Variants in GABRG3 observed in about 807,000 individuals in gnomAD.
GABRG3 encodes the protein gamma-aminobutyric acid receptor subunit gamma-3.
In GABRG3, 25 loss-of-function variants were observed where a neutral mutation model predicts 48.8. The ratio of observed to expected loss-of-function variants is 0.51; its 90% CI spans 0.37 to 0.72. GABRG3 has a LOEUF of 0.72. Among genes scored for constraint, GABRG3 ranks in the 30% least tolerant of loss-of-function variants. GABRG3 has a pLI of 0.00. For missense variants in GABRG3, 394 were observed against 577.9 expected, an observed-to-expected ratio of 0.68 and a Z score of 3.26; for synonymous variants, 227 against 217.6, an observed-to-expected ratio of 1.04 and a Z score of -0.38.
chr15:27,481,651 G>A (rs186412273), intron 6 of GABRG3, among the ~76,000 whole-genome samples: 1 of 152,210 alleles, frequency 6.6e-6, no homozygotes, highest in East Asian at 1.9e-4. Context: ...GAGAGCTATT[G>A]ACACATCAAG....
At chr15:27,395,823 A>C (rs1331276121) in intron 5 of GABRG3, among the ~76,000 whole-genome samples, 4 of 152,224 alleles carry the variant, frequency 2.6e-5, no homozygotes, top group African/African-American at 9.6e-5. Context: ...TAGATACTGC[A>C]CCAAAAACAT....
At position 27,537,099 on chromosome 15, in the gene GABRG3, T is replaced by C. The variant is rs915331007; in HGVS notation, c.*4218T>C. 7.4e-6 allele frequency: 1 copy of C among 135,886 alleles called. No homozygotes were observed. Among genetic ancestry groups the C allele is most frequent in the African/African-American group, 2.7e-5 (1 of 36,662 alleles). 8.4% of individuals were successfully genotyped at this position (135,886 alleles called of 1,614,324 possible). On this transcript the variant is annotated 3_prime_UTR_variant, in exon 10 of 10. Coordinates refer to ENST00000615808, the MANE Select transcript of GABRG3 (RefSeq NM_033223.5). Reference sequence around the variant, plus strand: ...CCTGAGCGATTTTAAACTCTACCCGTAAGAAATTTCATCTGCAATTTCTGT... The same window carrying C: ...CCTGAGCGATTTTAAACTCTACCCGCAAGAAATTTCATCTGCAATTTCTGT...
chr15:27,468,818 AAAG>A (rs1889694546), intron 5 of GABRG3, among the ~76,000 whole-genome samples: 1 of 152,220 alleles, frequency 6.6e-6, no homozygotes, highest in African/African-American at 2.4e-5. Context: ...CTTAATAAGA[AAAG>A]AAAAAAAATC....
intron 3 of GABRG3, among the ~76,000 whole-genome samples, chr15:27,233,401 G>A (rs1003339856): frequency 6.6e-6 from 1 of 152,254 alleles, no homozygotes; most frequent in Admixed American, 6.5e-5. Flanking sequence ...TAGAGTGGGG[G>A]CTTGCAAGCA....
chr15:27,090,258 C>A (rs974290028), intron 3 of GABRG3, among the ~76,000 whole-genome samples: 1 of 152,158 alleles, frequency 6.6e-6, no homozygotes, highest in African/African-American at 2.4e-5. Flanking sequence ...TAATAAAGAG[C>A]TCTGAGCATG....
chr15:27,067,357 C>G (rs1896755523), intron 3 of GABRG3, among the ~76,000 whole-genome samples: 1 of 152,236 alleles, frequency 6.6e-6, no homozygotes, highest in Non-Finnish European at 1.5e-5. Flanking sequence ...CCCCATCCAC[C>G]CGCACCCTTC....
intron 2 of GABRG3, among the ~76,000 whole-genome samples, chr15:27,003,963 G>A (rs1895518435): frequency 2.7e-5 from 4 of 149,262 alleles, no homozygotes; most frequent in Admixed American, 6.6e-5. Flanking sequence ...TGGACGGGGC[G>A]GCTGGCCGGG....
At chr15:27,058,481 G>C (rs1036282339) in intron 3 of GABRG3, among the ~76,000 whole-genome samples, 1 of 152,206 alleles carries the variant, frequency 6.6e-6, no homozygotes, top group African/African-American at 2.4e-5. Context: ...TTGGAAGCCT[G>C]TTGAACAGGA....
chr15:27,182,937 G>A (rs1667151903), intron 3 of GABRG3, among the ~76,000 whole-genome samples: 1 of 152,210 alleles, frequency 6.6e-6, no homozygotes, highest in Non-Finnish European at 1.5e-5. Context: ...GTCTGAGGGT[G>A]AGATCAAGCC....
chr15:27,487,381 G>A (rs575673266), intron 6 of GABRG3, among the ~76,000 whole-genome samples: 11 of 152,060 alleles, frequency 7.2e-5, no homozygotes, highest in Admixed American at 2.0e-4. Context: ...TTTGGCTCTC[G>A]CTCTATACTT....
In GABRG3 at chr15:27,025,167, C is replaced by T. The variant is rs186509201; in HGVS notation, c.203-1587C>T. ...GCACTGTTGCACTTATTACATTTGCCGCTGCTCACTGCAAGCTGTTAAGGC... is the reference window on the plus strand; with the variant it reads ...GCACTGTTGCACTTATTACATTTGCTGCTGCTCACTGCAAGCTGTTAAGGC... On this transcript the variant is annotated intron_variant, in intron 2 of 9. Transcript: ENST00000615808. Among the ~76,000 whole-genome samples the T allele has an allele frequency of 7.9e-5, 12 of 152,144 alleles. No homozygotes were observed. In the East Asian group the frequency reaches 1.9e-3, roughly 25 times the overall value.
intron 5 of GABRG3, among the ~76,000 whole-genome samples, chr15:27,378,278 A>T (rs1248940505): frequency 2.6e-5 from 4 of 151,986 alleles, no homozygotes; most frequent in Non-Finnish European, 5.9e-5. Context: ...AAAACCCACA[A>T]ATTTTCTCTC....
intron 5 of GABRG3, among the ~76,000 whole-genome samples, chr15:27,477,102 C>T (rs1889962959): frequency 6.6e-6 from 1 of 152,106 alleles, no homozygotes; most frequent in Non-Finnish European, 1.5e-5. Context: ...AATCAAAAGA[C>T]AAGTCACATC....
At chr15:26,978,429 T>C (rs1450824451) in intron 2 of GABRG3, among the ~76,000 whole-genome samples, 4 of 152,202 alleles carry the variant, frequency 2.6e-5, no homozygotes, top group Non-Finnish European at 2.9e-5. Context: ...TTTTCTCCTT[T>C]GTGTTCTTCT....
chr15:27,223,754 C>T (rs1167671661), intron 3 of GABRG3, among the ~76,000 whole-genome samples: 1 of 152,112 alleles, frequency 6.6e-6, no homozygotes, highest in African/African-American at 2.4e-5. Flanking sequence ...CTCTTGCCTC[C>T]CCTGCTGGGC....
chr15:27,458,452 T>C (rs979056613), intron 5 of GABRG3, among the ~76,000 whole-genome samples: 4 of 152,206 alleles, frequency 2.6e-5, no homozygotes, highest in Admixed American at 2.6e-4. Context: ...CCTTGGTTAC[T>C]GGGAATGTAA....
chr15:27,125,003 A>C (rs997921258), intron 3 of GABRG3, among the ~76,000 whole-genome samples: 5 of 152,140 alleles, frequency 3.3e-5, no homozygotes, highest in Non-Finnish European at 5.9e-5. Flanking sequence ...GCTGTGTGGG[A>C]TTATTTCTCC....
chr15:27,338,432 G>A (rs1004632330), intron 5 of GABRG3, among the ~76,000 whole-genome samples: 3 of 152,120 alleles, frequency 2.0e-5, no homozygotes, highest in Non-Finnish European at 2.9e-5. Flanking sequence ...AATGGAAACC[G>A]ATTTAAGATG....
At chr15:26,977,678 G>T (rs1397683658) in intron 2 of GABRG3, among the ~76,000 whole-genome samples, 1 of 152,162 alleles carries the variant, frequency 6.6e-6, no homozygotes, top group Non-Finnish European at 1.5e-5. Context: ...CTGCTGAATG[G>T]TTGTTCATGG....
Sources: gnomAD v4.1 joint callset for allele counts (sites outside exome capture counted in the v4.1 genomes callset) on GRCh38, gnomAD v4.1.1 for gene constraint, MANE v1.5 for transcripts, NCBI Gene and HGNC (gene_info 2026-07-23, HGNC 2026-07-21) for gene names.